The following COL11A2 variants were observed in gnomAD, a reference collection of about 807,000 sequenced individuals.
COL11A2 encodes the protein collagen type XI alpha 2 chain.
A neutral mutation model predicts 273.4 loss-of-function variants in COL11A2; 116 were observed. That is an observed-to-expected ratio of 0.42 (90% confidence interval 0.36 to 0.49). The LOEUF is 0.49. Among genes scored for constraint, COL11A2 ranks in the 20% least tolerant of loss-of-function variants. The pLI is 0.00. For synonymous variants in COL11A2, 782 were observed against 864.2 expected (o/e 0.90, Z 1.67); for missense variants, 1,866 against 2,309.0 (o/e 0.81, Z 3.93).
chr6:33,170,212 C>A lies in COL11A2; in HGVS notation c.3583-112G>T. 6.3e-7 allele frequency: 1 copy of A among 1,575,276 alleles called. No individual in the cohort carries two copies. The highest frequency in any genetic ancestry group is 8.7e-7 in the Non-Finnish European group (1 of 1,147,424). On this transcript the variant is annotated intron_variant, in intron 48 of 65. Coordinates refer to ENST00000341947, the MANE Select transcript of COL11A2 (RefSeq NM_080680.3). The surrounding 1 kb of genome is among the most constrained non-coding windows in gnomAD (Gnocchi z 4.3). Reference sequence around the variant, plus strand: ...CAGCAGTGAGGCAGTGGAGGCCTCCCGGGAGTAAGGGCTTCTCTTGGCCCC... The same window carrying A: ...CAGCAGTGAGGCAGTGGAGGCCTCCAGGGAGTAAGGGCTTCTCTTGGCCCC...
In COL11A2 at chr6:33,176,877, A is replaced by G. The variant is rs574040748; in HGVS notation, c.2071-112T>C. Reference sequence around the variant, plus strand: ...TGTGACCTAGTGAAGCCAACTGTCCATGGACAAGCACCACCAGTGACCTTT... The same window carrying G: ...TGTGACCTAGTGAAGCCAACTGTCCGTGGACAAGCACCACCAGTGACCTTT... On this transcript the variant is annotated intron_variant, in intron 25 of 65. Coordinates refer to ENST00000341947, the MANE Select transcript of COL11A2 (RefSeq NM_080680.3). This position sits in a 1 kb window ranked among gnomAD's most constrained non-coding sequence, Gnocchi z 4.9. 1.6e-4 allele frequency: 242 copies of G among 1,534,426 alleles called. 2 individuals carry two copies. In the South Asian group the frequency reaches 2.7e-3, roughly 17 times the overall value.
In COL11A2 at chr6:33,165,773, G is replaced by A; in HGVS notation, c.4526C>T (p.Pro1509Leu). 1 of 1,613,252 alleles carries A rather than the reference G, an allele frequency of 6.2e-7. No homozygotes were observed. Among genetic ancestry groups the A allele is most frequent in the South Asian group, 1.1e-5 (1 of 91,080 alleles). The change falls in exon 63 of 66, where the codon CCC becomes CTC. Residue 1509 changes from proline (P) to leucine (L), a missense_variant. Pro to Leu is a moderately conservative substitution (Grantham distance 98). Coordinates refer to ENST00000341947, the MANE Select transcript of COL11A2 (RefSeq NM_080680.3). This position sits in a 1 kb window ranked among gnomAD's most constrained non-coding sequence, Gnocchi z 7.7. ...ATCCACCGAGCGCCGAGTCTTCTTG[G>A]GCATCTGAATGGGCAGTGGCTGGAT... ...EVIQPLPIQMPKKTRRSVDGS... is the reference protein window; with the variant it reads ...EVIQPLPIQMLKKTRRSVDGS...
In COL11A2 at chr6:33,174,586, G is replaced by A; in HGVS notation, c.2377-6C>T. The A allele has an allele frequency of 6.2e-7, 1 of 1,611,894 alleles. No individual in the cohort carries two copies. Among genetic ancestry groups the A allele is most frequent in the Non-Finnish European group, 8.5e-7 (1 of 1,179,882 alleles). ...CCAGGAACACCCAGCTTGCCCTGTG[G>A]AGGGACAGGAAGCAGTTAGGAGTGA... On this transcript the variant is annotated splice_region_variant and splice_polypyrimidine_tract_variant and intron_variant, in intron 30 of 65. Coordinates refer to ENST00000341947, the MANE Select transcript of COL11A2 (RefSeq NM_080680.3).
At position 33,168,965 on chromosome 6, in the gene COL11A2, C is replaced by T. The variant is rs1056744924; in HGVS notation, c.3842G>A (p.Gly1281Asp). The T allele has an allele frequency of 1.2e-6, 2 of 1,609,552 alleles. No individual in the cohort carries two copies. Among genetic ancestry groups the T allele is most frequent in the African/African-American group, 1.3e-5 (1 of 74,570 alleles). The stretch of plus-strand genomic sequence containing the variant: ...CTGAGTAAGACTCACCCGAGGGCCA[C>T]CTTCTCCAGGGGGGCCAGGGTCACC... ...FPGDPGPPGE[G>D]GPRGQDGAKG... Residue 1281 changes from glycine to aspartate, a missense_variant, in exon 52 of 66, where the codon GGT (glycine) becomes GAT (aspartate). Coordinates refer to ENST00000341947, the MANE Select transcript of COL11A2 (RefSeq NM_080680.3).
chr6:33,187,281 T>G (rs188507102), intron 4 of COL11A2, among the ~76,000 whole-genome samples: 14 of 152,040 alleles, frequency 9.2e-5, no homozygotes, highest in Admixed American at 9.2e-4. Flanking sequence ...AGAAATGGAG[T>G]GGGGAGAACC....
chr6:33,172,126 A>G, intron 40 of COL11A2, 23 bp from the exon 41 acceptor site: 1 of 1,612,770 alleles, frequency 6.2e-7, no homozygotes, highest in Non-Finnish European at 8.5e-7. Flanking sequence ...CATTTGGGGA[A>G]GATGAGACTT....
rs1393585777 is a variant in COL11A2, at chr6:33,173,467, G to A, written c.2682+35C>T. 3.1e-6 allele frequency: 5 copies of A among 1,612,260 alleles called. No individual in the cohort carries two copies. The highest frequency in any genetic ancestry group is 3.4e-6 in the Non-Finnish European group (4 of 1,179,330). On this transcript the variant is annotated intron_variant, in intron 36 of 65. Transcript: ENST00000341947. This position sits in a 1 kb window ranked among gnomAD's most constrained non-coding sequence, Gnocchi z 6.3. ...AGCAGGTAGGGAAGAAGGACTCAGA[G>A]AAGCGAGGTGGGTCAGAGCTCGGGG... is the stretch of plus-strand genomic sequence containing the variant.
rs757215211 is a variant in COL11A2 at position 33,178,328 on chromosome 6, G to A, written c.1798C>T (p.Arg600Ter). 3.1e-6 allele frequency: 5 copies of A among 1,612,380 alleles called. No individual in the cohort carries two copies. Among genetic ancestry groups the A allele is most frequent in the Admixed American group, 1.7e-5 (1 of 59,964 alleles). The part of the protein sequence containing the change: ...ERGDDGEIGP[R>*]GLPGESGPRG... ...CTCACCGACTCTCCAGGCAGCCCTCGAGGCCCAATCTCCCCGTCATCTCCC... is the reference window on the plus strand; with the variant it reads ...CTCACCGACTCTCCAGGCAGCCCTCAAGGCCCAATCTCCCCGTCATCTCCC... The change falls in exon 20 of 66, where the codon CGA becomes TGA. Residue 600 changes from arginine (R) to a stop codon, truncating the protein, a stop_gained. Transcript: ENST00000341947. LOFTEE classifies it high-confidence loss of function. This position sits in a 1 kb window ranked among gnomAD's most constrained non-coding sequence, Gnocchi z 4.6.
chr6:33,183,550 T>G (rs1771985475), intron 8 of COL11A2, among the ~76,000 whole-genome samples: 1 of 152,182 alleles, frequency 6.6e-6, no homozygotes, highest in South Asian at 2.1e-4. Flanking sequence ...ATACAGGAAG[T>G]GGCTTATTGT....
At position 33,174,459 on chromosome 6, in the gene COL11A2, A is replaced by G. The variant is rs563450939; in HGVS notation, c.2430+68T>C. 69 of 1,580,122 alleles carry G rather than the reference A, an allele frequency of 4.4e-5. 1 individual carries two copies. In the South Asian group the frequency reaches 7.4e-4, roughly 17 times the overall value. ...CTGCCCTGCATCTGTGCTTTCTGGAATCAGGGATCAGGGAAGCGAAGAGGA... is the reference window on the plus strand; with the variant it reads ...CTGCCCTGCATCTGTGCTTTCTGGAGTCAGGGATCAGGGAAGCGAAGAGGA... On this transcript the variant is annotated intron_variant, in intron 31 of 65. Transcript: ENST00000341947.
At position 33,173,312 on chromosome 6, in the gene COL11A2, G is replaced by C. The variant is rs372891945; in HGVS notation, c.2736+36C>G. ...CTCTGGGGTTAAAGGGTCTGATGGAGCCCCCTGAGAATGGGTAGCCAGGAG... is the reference window on the plus strand; with the variant it reads ...CTCTGGGGTTAAAGGGTCTGATGGACCCCCCTGAGAATGGGTAGCCAGGAG... On this transcript the variant is annotated intron_variant, in intron 37 of 65. Coordinates refer to ENST00000341947, the MANE Select transcript of COL11A2 (RefSeq NM_080680.3). This position sits in a 1 kb window ranked among gnomAD's most constrained non-coding sequence, Gnocchi z 6.3. 2 of 1,608,728 alleles carry C rather than the reference G, an allele frequency of 1.2e-6. No homozygotes were observed. The highest frequency in any genetic ancestry group is 1.7e-5 in the Admixed American group (1 of 59,946).
Position 33,186,711 on chromosome 6 carries a change from GTTTTGGGGTC to G in COL11A2, c.704_713del (p.Arg235ThrfsTer45). The G allele has an allele frequency of 6.2e-7, 1 of 1,611,562 alleles. No individual in the cohort carries two copies. On this transcript the variant is annotated frameshift_variant, in exon 5 of 66. Transcript: ENST00000341947. LOFTEE classifies it high-confidence loss of function. Reference sequence around the variant, plus strand: ...ATCTCTGGGCTCTGTGAGGCTGTTGGTTTTGGGGTCTTTCCCTCTGGCCCCCCTCGCATTC... The same window carrying G: ...ATCTCTGGGCTCTGTGAGGCTGTTGGTTTCCCTCTGGCCCCCCTCGCATTC...
chr6:33,173,875 T>C lies in COL11A2; in HGVS notation c.2581A>G (p.Lys861Glu). 1 of 1,614,018 alleles carries C rather than the reference T, an allele frequency of 6.2e-7. No homozygotes were observed. The highest frequency in any genetic ancestry group is 8.5e-7 in the Non-Finnish European group (1 of 1,179,956). The stretch of plus-strand genomic sequence containing the variant: ...GGAGCCTTGTAGAGACCATTCACCT[T>C]AGCTCCAGACTTCCCAGTGGCACCT... ...PRGATGKSGA[K>E]GTSGGDGPHG... The change falls in exon 34 of 66, where the codon AAG (lysine) becomes GAG (glutamate). Residue 861 changes from lysine (K) to glutamate (E), a missense_variant and splice_region_variant. Coordinates refer to ENST00000341947, the MANE Select transcript of COL11A2 (RefSeq NM_080680.3). The surrounding 1 kb of genome is among the most constrained non-coding windows in gnomAD (Gnocchi z 6.3).
At chr6:33,174,503 G>A in intron 31 of COL11A2, 24 bp downstream of exon 31, 1 of 1,611,866 alleles carries the variant, frequency 6.2e-7, no homozygotes, top group Non-Finnish European at 8.5e-7. Context: ...GAGGAGGAGG[G>A]GCACGTATGG....
intron 31 of COL11A2, 27 bp downstream of exon 31, chr6:33,174,500 A>G: frequency 6.2e-7 from 1 of 1,611,488 alleles, no homozygotes; most frequent in Non-Finnish European, 8.5e-7. Context: ...GAAGAGGAGG[A>G]GGGGCACGTA....
rs1770984021 is a variant in COL11A2 at position 33,176,936 on chromosome 6, A to G, written c.2070+56T>C. 2.2e-5 allele frequency: 35 copies of G among 1,581,562 alleles called. No homozygotes were observed. The highest frequency in any genetic ancestry group is 2.9e-5 in the Non-Finnish European group (34 of 1,160,220). ...GGGTCACTAAAGGAGCTCTGAGGTC[A>G]TGCACTGGGGTGGAAGGCCAAGGGG... is the stretch of plus-strand genomic sequence containing the variant. On this transcript the variant is annotated intron_variant, in intron 25 of 65. Coordinates refer to ENST00000341947, the MANE Select transcript of COL11A2 (RefSeq NM_080680.3). This position sits in a 1 kb window ranked among gnomAD's most constrained non-coding sequence, Gnocchi z 4.9.
chr6:33,184,893 C>T, intron 7 of COL11A2, 99 bp downstream of exon 7: 1 of 996,750 alleles, frequency 1.0e-6, no homozygotes, highest in African/African-American at 1.6e-5. Flanking sequence ...ACCCTCCGGC[C>T]AGAGGAGGGG....
rs1769888092 is a variant in COL11A2, at chr6:33,170,524, A to G, written c.3528+33T>C. The G allele has an allele frequency of 6.2e-7, 1 of 1,611,182 alleles. No homozygotes were observed. The highest frequency in any genetic ancestry group is 1.3e-5 in the African/African-American group (1 of 74,740). On this transcript the variant is annotated intron_variant, in intron 47 of 65. Transcript: ENST00000341947. This position sits in a 1 kb window ranked among gnomAD's most constrained non-coding sequence, Gnocchi z 4.3. ...CTGGCCAGGGAGGGGGGTGACTAGT[A>G]TGGTGGCTAGGGTCAGTAGGGGTCA...
intron 29 of COL11A2, 97 bp from the exon 30 acceptor site, chr6:33,175,778 G>A: frequency 3.9e-6 from 5 of 1,273,300 alleles, no homozygotes; most frequent in Non-Finnish European, 5.7e-6. Context: ...GAGGGCTAGA[G>A]GGGTCCCAGG....
Sources: gnomAD v4.1 joint callset for allele counts (sites outside exome capture counted in the v4.1 genomes callset) on GRCh38, gnomAD v4.1.1 for gene constraint, Gnocchi (gnomAD v3.1) non-coding constraint, MANE v1.5 for transcripts, NCBI Gene and HGNC (gene_info 2026-07-23, HGNC 2026-07-21) for gene names.